The following OXSM variants were observed in gnomAD, a reference collection of about 807,000 sequenced individuals.
The protein encoded by OXSM is 3-oxoacyl-ACP synthase, mitochondrial.
OXSM carries 19 observed loss-of-function variants against 29.2 expected under a neutral mutation model. The observed-to-expected ratio is 0.65, with a 90% CI of 0.45 to 0.96. The LOEUF is 0.96. OXSM is among the 40% of genes least tolerant of loss of function. The pLI is 0.00. For missense variants in OXSM, 554 were observed against 551.3 expected (o/e 1.00, Z -0.05); for synonymous variants, 178 against 197.1 (o/e 0.90, Z 0.81).
At chr3:25,793,219 C>G (rs1367640159) in intron 2 of OXSM, among the ~76,000 whole-genome samples, 3 of 151,068 alleles carry the variant, frequency 2.0e-5, no homozygotes, top group Admixed American at 2.0e-4. Context: ...GTCTCAAACT[C>G]CTGGCCTCAA....
In OXSM at chr3:25,791,918, G is replaced by T. The variant is rs1708766579; in HGVS notation, c.898G>T (p.Ala300Ser). The T allele has an allele frequency of 2.5e-6, 4 of 1,603,442 alleles. No homozygotes were observed. Reference protein sequence around the residue: ...HAVQRRARIYAEVLGYGLSGD... With the variant: ...HAVQRRARIYSEVLGYGLSGD... ...TGTTCAAAGAAGAGCCCGGATCTAT[G>T]CAGAAGTTTTGGGCTATGGACTCTC... Residue 300 changes from alanine to serine, a missense_variant, in exon 2 of 3, where the codon GCA (alanine) becomes TCA (serine). Transcript: ENST00000280701.
chr3:25,793,546 T>C (rs1411672170), intron 2 of OXSM, among the ~76,000 whole-genome samples: 1 of 152,238 alleles, frequency 6.6e-6, no homozygotes, highest in African/African-American at 2.4e-5. Flanking sequence ...ACTCTTAAGT[T>C]TGTTTGGCTT....
chr3:25,790,813 G>A lies in OXSM; in HGVS notation c.-31-177G>A. The A allele has an allele frequency of 6.1e-6, 3 of 495,250 alleles. No homozygotes were observed. In the South Asian group the frequency reaches 1.1e-4, roughly 18 times the overall value. The allele number at this position is 495,250 out of a possible 1,614,324, so 30.7% of individuals were successfully genotyped here. On this transcript the variant is annotated intron_variant, in intron 1 of 2. Coordinates refer to ENST00000280701, the MANE Select transcript of OXSM (RefSeq NM_017897.3). ...CTGACGGCACTTAAGGTCTAAAAAA[G>A]AAGGTAAGTTTAAACAGATAGTTTG... is the stretch of plus-strand genomic sequence containing the variant.
At position 25,794,368 on chromosome 3, in the gene OXSM, A is replaced by G. The variant is rs1708832930; in HGVS notation, c.1254A>G (p.Pro418=). The G allele has an allele frequency of 1.2e-6, 2 of 1,614,264 alleles. No homozygotes were observed. The highest frequency in any genetic ancestry group is 1.7e-6 in the Non-Finnish European group (2 of 1,180,038). The change falls in exon 3 of 3, where the codon CCA becomes CCG. Residue 418 remains proline (P), a synonymous_variant. Coordinates refer to ENST00000280701, the MANE Select transcript of OXSM (RefSeq NM_017897.3). The part of the protein sequence containing the change: ...PPTLNLDCSE[P]EFDLNYVPLK... Reference sequence around the variant, plus strand: ...CTTTAAACCTGGATTGTTCGGAACCAGAATTTGATCTCAACTATGTTCCAC... The same window carrying G: ...CTTTAAACCTGGATTGTTCGGAACCGGAATTTGATCTCAACTATGTTCCAC...
intron 1 of OXSM, 127 bp downstream of exon 1, chr3:25,790,274 C>T (rs555087286): frequency 1.8e-4 from 57 of 324,208 alleles, no homozygotes; most frequent in Non-Finnish European, 3.0e-4. Context: ...CGCCATGCTT[C>T]TTCGGGCTGT....
Position 25,794,511 on chromosome 3 carries a change from T to C in OXSM, c.*17T>C. On this transcript the variant is annotated 3_prime_UTR_variant, in exon 3 of 3. Coordinates refer to ENST00000280701, the MANE Select transcript of OXSM (RefSeq NM_017897.3). ...GGACTGTAGAACATATAATTTGTAA[T>C]TAAATACTGATTTTTAAATGCTATA... The C allele has an allele frequency of 6.6e-7, 1 of 1,525,518 alleles. No individual in the cohort carries two copies. 94.5% of individuals were successfully genotyped at this position (1,525,518 alleles called of 1,614,324 possible). A position where few individuals can be genotyped will look rare whatever the true frequency, so the allele number is the denominator to read the frequency against.
At position 25,794,280 on chromosome 3, in the gene OXSM, C is replaced by G; in HGVS notation, c.1166C>G (p.Ala389Gly). 2 of 1,614,214 alleles carry G rather than the reference C, an allele frequency of 1.2e-6. No individual in the cohort carries two copies. The highest frequency in any genetic ancestry group is 1.3e-5 in the African/African-American group (1 of 75,070). Residue 389 changes from alanine to glycine, a missense_variant, in exon 3 of 3, where the codon GCT becomes GGT. Transcript: ENST00000280701. ...TKGATGHLLG[A>G]AGAVEAAFTT... The stretch of plus-strand genomic sequence containing the variant: ...GGAGCAACAGGACATCTGCTGGGAG[C>G]TGCAGGGGCAGTCGAGGCAGCTTTT...
In OXSM at chr3:25,794,347, A is replaced by G; in HGVS notation, c.1233A>G (p.Leu411=). Residue 411 remains leucine (L), a synonymous_variant, in exon 3 of 3, where the codon TTA becomes TTG. Transcript: ENST00000280701. ...ATTATCAAAAACTACCACCTACTTTAAACCTGGATTGTTCGGAACCAGAAT... is the reference window on the plus strand; with the variant it reads ...ATTATCAAAAACTACCACCTACTTTGAACCTGGATTGTTCGGAACCAGAAT... ...ACYYQKLPPT[L]NLDCSEPEFD... The G allele has an allele frequency of 6.2e-7, 1 of 1,614,216 alleles. No homozygotes were observed.
chr3:25,792,004 A>G lies in OXSM; in HGVS notation c.977+7A>G. 1 of 1,588,004 alleles carries G rather than the reference A, an allele frequency of 6.3e-7. No individual in the cohort carries two copies. ...AAGGAGAAGGTGCCTTAAGGTAAAG[A>G]TGGGTTATTTCCTTCGAAATATTTC... is the stretch of plus-strand genomic sequence containing the variant. On this transcript the variant is annotated splice_region_variant and intron_variant, in intron 2 of 2. Coordinates refer to ENST00000280701, the MANE Select transcript of OXSM (RefSeq NM_017897.3).
intron 2 of OXSM, among the ~76,000 whole-genome samples, chr3:25,792,767 T>C (rs569542145): frequency 7.2e-5 from 11 of 152,338 alleles, no homozygotes; most frequent in East Asian, 5.8e-4. Flanking sequence ...TTAACTGTTA[T>C]AGATTAGTGC....
chr3:25,792,276 T>C (rs1224991864), intron 2 of OXSM, among the ~76,000 whole-genome samples: 1 of 152,242 alleles, frequency 6.6e-6, no homozygotes, highest in Non-Finnish European at 1.5e-5. Context: ...GCATTTGTGC[T>C]TAAGCATCAG....
chr3:25,791,672 G>A lies in OXSM; in HGVS notation c.652G>A (p.Asp218Asn), dbSNP rs1418182016. Residue 218 changes from aspartate to asparagine, a missense_variant, in exon 2 of 3, where the codon GAC becomes AAC. Physicochemically the swap from Asp to Asn is conservative, Grantham distance 23. Transcript: ENST00000280701. ...TACCACAGGAGCTCATGCTGTGGGAGACTCATTTAGATTTATAGCCCATGG... is the reference window on the plus strand; with the variant it reads ...TACCACAGGAGCTCATGCTGTGGGAAACTCATTTAGATTTATAGCCCATGG... ...ACTTGAHAVG[D>N]SFRFIAHGDA... The A allele has an allele frequency of 6.2e-7, 1 of 1,613,984 alleles. No individual in the cohort carries two copies. Among genetic ancestry groups the A allele is most frequent in the African/African-American group, 1.3e-5 (1 of 74,926 alleles).
Position 25,791,461 on chromosome 3 carries a change from T to C in OXSM, c.441T>C (p.Gly147=). 6.2e-7 allele frequency: 1 copy of C among 1,614,150 alleles called. No homozygotes were observed. Among genetic ancestry groups the C allele is most frequent in the Non-Finnish European group, 8.5e-7 (1 of 1,179,984 alleles). ...PQSEADQVAT[G]VAIGMGMIPL... is the part of the protein sequence containing the mutation. ...CAGAAGCTGATCAAGTGGCTACTGGTGTTGCAATTGGCATGGGAATGATTC... is the reference window on the plus strand; with the variant it reads ...CAGAAGCTGATCAAGTGGCTACTGGCGTTGCAATTGGCATGGGAATGATTC... The change falls in exon 2 of 3, where the codon GGT becomes GGC. Residue 147 remains glycine, a synonymous_variant. Transcript: ENST00000280701.
rs1438708584 is a variant in OXSM, at chr3:25,794,223, A to G, written c.1109A>G (p.His370Arg). ...NKAIKHLFKD[H>R]AYALAVSSTK... ...GCTATCAAACATCTCTTCAAAGACC[A>G]TGCATATGCCCTTGCAGTTTCCTCA... The change falls in exon 3 of 3, where the codon CAT becomes CGT. Residue 370 changes from histidine (H) to arginine (R), a missense_variant. His to Arg is a conservative substitution (Grantham distance 29, BLOSUM62 0). Coordinates refer to ENST00000280701, the MANE Select transcript of OXSM (RefSeq NM_017897.3). 4 of 1,614,256 alleles carry G rather than the reference A, an allele frequency of 2.5e-6. No individual in the cohort carries two copies. Among genetic ancestry groups the G allele is most frequent in the Non-Finnish European group, 3.4e-6 (4 of 1,180,038 alleles).
At chr3:25,790,234 G>A (rs1708702193) in intron 1 of OXSM, 87 bp downstream of exon 1, 2 of 403,796 alleles carry the variant, frequency 5.0e-6, no homozygotes, top group Admixed American at 8.3e-5. Flanking sequence ...AGGGGAGTCC[G>A]AGGACCTGGG....
chr3:25,793,704 C>G (rs976216709), intron 2 of OXSM, among the ~76,000 whole-genome samples: 5 of 152,148 alleles, frequency 3.3e-5, no homozygotes, highest in African/African-American at 4.8e-5. Context: ...AATTATAATT[C>G]TCATAAAAAA....
At chr3:25,793,958 G>A (rs1263618537) in intron 2 of OXSM, 134 bp from the exon 3 acceptor site, 12 of 719,018 alleles carry the variant, frequency 1.7e-5, no homozygotes, top group African/African-American at 3.6e-5. Flanking sequence ...ATAGTGTTCC[G>A]TTACTAGAGC....
Position 25,794,141 on chromosome 3 carries a change from T to C in OXSM, c.1027T>C (p.Ser343Pro). Reference sequence around the variant, plus strand: ...TGCAGGTGTGCAGCCTGAGGAGATATCCTATATCAATGCACATGCTACTTC... The same window carrying C: ...TGCAGGTGTGCAGCCTGAGGAGATACCCTATATCAATGCACATGCTACTTC... ...KDAGVQPEEI[S>P]YINAHATSTP... The change falls in exon 3 of 3, where the codon TCC becomes CCC. Residue 343 changes from serine (S) to proline (P), a missense_variant. Transcript: ENST00000280701. 2 of 1,614,148 alleles carry C rather than the reference T, an allele frequency of 1.2e-6. No homozygotes were observed. The highest frequency in any genetic ancestry group is 1.7e-6 in the Non-Finnish European group (2 of 1,179,998).
chr3:25,794,409 G>A lies in OXSM; in HGVS notation c.1295G>A (p.Trp432Ter). 2 of 1,614,048 alleles carry A rather than the reference G, an allele frequency of 1.2e-6. No homozygotes were observed. The highest frequency in any genetic ancestry group is 2.7e-5 in the African/African-American group (2 of 75,050). The change falls in exon 3 of 3, where the codon TGG (tryptophan) becomes TAG (stop). Residue 432 changes from tryptophan (W) to a stop codon, truncating the protein, a stop_gained. Transcript: ENST00000280701. LOFTEE classifies it high-confidence loss of function. Reference protein sequence around the residue: ...LNYVPLKAQEWKTEKRFIGLT... With the variant: ...LNYVPLKAQE ...TATGTTCCACTAAAGGCACAGGAAT[G>A]GAAAACTGAGAAAAGATTTATTGGC...
Sources: gnomAD v4.1 joint callset for allele counts (sites outside exome capture counted in the v4.1 genomes callset) on GRCh38, gnomAD v4.1.1 for gene constraint, MANE v1.5 for transcripts, NCBI Gene and HGNC (gene_info 2026-07-23, HGNC 2026-07-21) for gene names.